The following PLSCR4 variants were observed in gnomAD, a reference collection of about 807,000 sequenced individuals.
The protein encoded by PLSCR4 is Ca(2+)-dependent phospholipid scramblase 4.
In PLSCR4, 25 loss-of-function variants were observed where a neutral mutation model predicts 36.3. The ratio of observed to expected loss-of-function variants is 0.69; its 90% CI spans 0.50 to 0.96. The LOEUF (loss-of-function observed/expected upper bound fraction) is 0.96, where lower values mean the gene tolerates loss of function less well. Ranked by LOEUF, PLSCR4 falls within the 40% of genes least tolerant of loss-of-function variation. PLSCR4 has a pLI of 0.00. For missense variants in PLSCR4, 408 were observed against 414.7 expected (o/e 0.98, Z 0.14); for synonymous variants, 122 against 132.9 (o/e 0.92, Z 0.56).
At chr3:146,216,043 C>T (rs902217153) in intron 3 of PLSCR4, among the ~76,000 whole-genome samples, 2 of 152,026 alleles carry the variant, frequency 1.3e-5, no homozygotes, top group Non-Finnish European at 2.9e-5. Flanking sequence ...CCAGCCTGGC[C>T]AACATGGTGA....
chr3:146,232,868 AAGAGGTTTTTT>A (rs777721725), intron 1 of PLSCR4, among the ~76,000 whole-genome samples: 1 of 152,144 alleles, frequency 6.6e-6, no homozygotes. Context: ...ACATTGCCTA[AAGAGGTTTTTT>A]ACTGTGTGCA....
At chr3:146,217,183 T>G (rs908837312) in intron 3 of PLSCR4, among the ~76,000 whole-genome samples, 2 of 152,186 alleles carry the variant, frequency 1.3e-5, no homozygotes, top group African/African-American at 2.4e-5. Context: ...TGAATGGTTG[T>G]CACGAAGCAA....
chr3:146,220,005 C>G (rs1316821932), intron 3 of PLSCR4, among the ~76,000 whole-genome samples: 1 of 152,062 alleles, frequency 6.6e-6, no homozygotes, highest in African/African-American at 2.4e-5. Context: ...TCTTTTCCCC[C>G]TTCAGAGCAT....
intron 1 of PLSCR4, among the ~76,000 whole-genome samples, chr3:146,235,676 C>A (rs564497015): frequency 1.3e-5 from 2 of 152,020 alleles, no homozygotes; most frequent in South Asian, 4.1e-4. Context: ...TTGGAGGGCT[C>A]AGAAGAAAAG....
chr3:146,221,518 T>C (rs1480489688), intron 2 of PLSCR4, among the ~76,000 whole-genome samples: 1 of 152,206 alleles, frequency 6.6e-6, no homozygotes, highest in African/African-American at 2.4e-5. Context: ...GAAGTCAGTT[T>C]CATGATGTTG....
intron 1 of PLSCR4, among the ~76,000 whole-genome samples, chr3:146,223,011 C>T (rs934180517): frequency 4.0e-5 from 6 of 151,846 alleles, no homozygotes; most frequent in Admixed American, 2.0e-4. Context: ...ACTGAGTTGA[C>T]GGTGATCCTA....
In PLSCR4 at chr3:146,202,679, G is replaced by A. The variant is rs375938608; in HGVS notation, c.355-1602C>T. On this transcript the variant is annotated intron_variant, in intron 4 of 8. Transcript: ENST00000354952. Reference sequence around the variant, plus strand: ...GAAAGATTTCCTTGTAGCACATGATGTTCTTTTTAGTACTTTACCACAGTA... The same window carrying A: ...GAAAGATTTCCTTGTAGCACATGATATTCTTTTTAGTACTTTACCACAGTA... Among the ~76,000 whole-genome samples the A allele has an allele frequency of 3.7e-4, 57 of 152,130 alleles. 5 individuals carry two copies. In the South Asian group the frequency reaches 8.9e-3, roughly 24 times the overall value.
chr3:146,242,753 C>G (rs1559929488), intron 1 of PLSCR4, among the ~76,000 whole-genome samples: 1 of 152,112 alleles, frequency 6.6e-6, no homozygotes, highest in Non-Finnish European at 1.5e-5. Flanking sequence ...GCAAAAGTAA[C>G]TTAGAATGGC....
intron 1 of PLSCR4, among the ~76,000 whole-genome samples, chr3:146,230,837 T>C (rs376926274): frequency 2.9e-4 from 44 of 152,350 alleles, no homozygotes; most frequent in African/African-American, 9.6e-4. Context: ...CATGTTTTAA[T>C]GGTGTAGTCC....
chr3:146,241,149 G>A (rs2036134465), intron 1 of PLSCR4, among the ~76,000 whole-genome samples: 1 of 152,114 alleles, frequency 6.6e-6, no homozygotes, highest in African/African-American at 2.4e-5. Flanking sequence ...AGTTTATAAA[G>A]GCATAAAGTA....
chr3:146,194,998 T>C (rs970805700), intron 8 of PLSCR4, 126 bp downstream of exon 8: 1 of 715,804 alleles, frequency 1.4e-6, no homozygotes, highest in Non-Finnish European at 2.3e-6. Flanking sequence ...TTCTAAACCA[T>C]GTAACTAGTA....
intron 3 of PLSCR4, 27 bp from the exon 4 acceptor site, chr3:146,206,788 A>G (rs1250729504): frequency 7.2e-7 from 1 of 1,394,384 alleles, no homozygotes; most frequent in East Asian, 2.5e-5. Flanking sequence ...TCAAAGTGTT[A>G]TATATTATTA....
rs2033761426 is a variant in PLSCR4, at chr3:146,196,688, TCA to T, written c.728_729del (p.Val243AspfsTer19). On this transcript the variant is annotated frameshift_variant, in exon 7 of 9. Transcript: ENST00000354952. LOFTEE classifies it high-confidence loss of function. ...YSIQNEKKEN[V>X]MRVRGPCSTY... The stretch of plus-strand genomic sequence containing the variant: ...GTTGAGCATGGCCCACGAACTCTCA[TCA>T]CATTTTCTTTCTTCTCATTTTGGAT... 2 of 1,614,016 alleles carry T rather than the reference TCA, an allele frequency of 1.2e-6. No homozygotes were observed. The highest frequency in any genetic ancestry group is 1.7e-6 in the Non-Finnish European group (2 of 1,179,922).
At chr3:146,240,195 C>T (rs2036092473) in intron 1 of PLSCR4, among the ~76,000 whole-genome samples, 1 of 152,070 alleles carries the variant, frequency 6.6e-6, no homozygotes, top group Non-Finnish European at 1.5e-5. Context: ...AAAGACATCT[C>T]AATTGAAAAA....
intron 1 of PLSCR4, among the ~76,000 whole-genome samples, chr3:146,239,763 A>G: frequency 6.6e-6 from 1 of 152,038 alleles, no homozygotes; most frequent in East Asian, 1.9e-4. Context: ...CATGCCTGTA[A>G]TCCCAGCTAC....
intron 1 of PLSCR4, among the ~76,000 whole-genome samples, chr3:146,228,487 G>A (rs1046003090): frequency 1.3e-5 from 2 of 151,944 alleles, no homozygotes; most frequent in Non-Finnish European, 2.9e-5. Context: ...AAAAAAAAAC[G>A]GAGACATTGC....
chr3:146,215,538 T>C (rs2034851853), intron 3 of PLSCR4, among the ~76,000 whole-genome samples: 1 of 152,190 alleles, frequency 6.6e-6, no homozygotes, highest in South Asian at 2.1e-4. Flanking sequence ...GATTTCCACC[T>C]TGAAGAAAAA....
chr3:146,212,432 G>GT (rs1357206424), intron 3 of PLSCR4, among the ~76,000 whole-genome samples: 10 of 24,702 alleles, frequency 4.0e-4, no homozygotes, highest in East Asian at 7.3e-4. Context: ...GGGTTTTTTT[G>GT]TTTTGTTTTT....
intron 3 of PLSCR4, among the ~76,000 whole-genome samples, chr3:146,217,412 A>G (rs1474806799): frequency 1.3e-5 from 2 of 152,222 alleles, no homozygotes; most frequent in Non-Finnish European, 2.9e-5. Flanking sequence ...GTGTGTGGAG[A>G]TTTAGCAGAC....
Sources: allele counts gnomAD v4.1 joint callset (sites outside exome capture counted in the v4.1 genomes callset), GRCh38; gene constraint gnomAD v4.1.1; transcripts MANE v1.5; gene names NCBI Gene and HGNC (gene_info 2026-07-23, HGNC 2026-07-21).